Variants in CLDN10 observed in about 807,000 individuals in gnomAD.
CLDN10 encodes claudin-10.
CLDN10 carries 15 observed loss-of-function variants against 22.9 expected under a neutral mutation model. The observed-to-expected ratio is 0.65, with a 90% CI of 0.44 to 1.01. CLDN10 has a LOEUF of 1.01. CLDN10 is among the 50% of genes least tolerant of loss of function. The probability of loss-of-function intolerance (pLI) is 0.00; values close to 1 mark genes in which losing one functional copy is unlikely to be tolerated. For missense variants in CLDN10, 247 were observed against 287.8 expected (o/e 0.86, Z 1.03); for synonymous variants, 114 against 111.4 (o/e 1.02, Z -0.15).
chr13:95,551,008 G>A (rs552355533), upstream of CLDN10, among the ~76,000 whole-genome samples: 1 of 151,964 alleles, frequency 6.6e-6, no homozygotes, highest in Non-Finnish European at 1.5e-5. Context: ...TTTAAGTTTA[G>A]TTTACCAGTG....
intron 1 of CLDN10, among the ~76,000 whole-genome samples, chr13:95,448,813 C>T (rs992685155): frequency 6.6e-6 from 1 of 151,828 alleles, no homozygotes; most frequent in African/African-American, 2.4e-5. Context: ...GATCTCGGCT[C>T]ACTGCAGCCT....
intron 1 of CLDN10, among the ~76,000 whole-genome samples, chr13:95,447,439 G>T (rs889976965): frequency 2.0e-5 from 3 of 152,144 alleles, no homozygotes; most frequent in Non-Finnish European, 2.9e-5. Context: ...AACCTGGACC[G>T]CAGACCTCTC....
intron 1 of CLDN10, among the ~76,000 whole-genome samples, chr13:95,469,314 A>C (rs1263319562): frequency 6.6e-6 from 1 of 152,146 alleles, no homozygotes; most frequent in African/African-American, 2.4e-5. Flanking sequence ...TATTAACCTA[A>C]GTTTCTGCGA....
At chr13:95,435,962 TAA>T (rs55831992) in intron 1 of CLDN10, among the ~76,000 whole-genome samples, 28 of 141,626 alleles carry the variant, frequency 2.0e-4, no homozygotes, top group East Asian at 4.1e-4. Context: ...GGCCTCATCT[TAA>T]AAAAAAAAAA....
chr13:95,540,075 G>T (rs2138621881), intron 1 of CLDN10, among the ~76,000 whole-genome samples: 1 of 151,202 alleles, frequency 6.6e-6, no homozygotes, highest in Admixed American at 6.6e-5. Context: ...CGAGGTGGGT[G>T]GATCACCTGA....
chr13:95,574,279 GA>G, intron 3 of CLDN10, among the ~76,000 whole-genome samples: 1 of 151,964 alleles, frequency 6.6e-6, no homozygotes, highest in East Asian at 1.9e-4. Context: ...TAGAAAGAAG[GA>G]AAAGTCTCTG....
At chr13:95,510,510 G>T (rs979768535) in intron 1 of CLDN10, among the ~76,000 whole-genome samples, 3 of 152,082 alleles carry the variant, frequency 2.0e-5, no homozygotes, top group African/African-American at 7.2e-5. Flanking sequence ...AATGGTAAAT[G>T]TTTTAAGGGT....
intron 1 of CLDN10, among the ~76,000 whole-genome samples, chr13:95,533,028 G>C (rs2043362153): frequency 3.3e-5 from 5 of 151,864 alleles, no homozygotes. Context: ...GATAGTGTTT[G>C]TTTCATTTAC....
intron 1 of CLDN10, among the ~76,000 whole-genome samples, chr13:95,484,538 A>T (rs181988466): frequency 2.8e-4 from 43 of 152,246 alleles, no homozygotes; most frequent in African/African-American, 8.4e-4. Context: ...CAGGAAATGT[A>T]AGTGTGTAAA....
chr13:95,577,422 C>G (rs949038787), intron 4 of CLDN10, 84 bp downstream of exon 4: 1 of 899,044 alleles, frequency 1.1e-6, no homozygotes. Flanking sequence ...ACAGATAGTT[C>G]ATATGATTCT....
intron 1 of CLDN10, among the ~76,000 whole-genome samples, chr13:95,457,761 T>C (rs2042496704): frequency 6.6e-6 from 1 of 152,144 alleles, no homozygotes; most frequent in African/African-American, 2.4e-5. Context: ...CTGCCCTTTT[T>C]CTAGGGTGTA....
intron 1 of CLDN10, among the ~76,000 whole-genome samples, chr13:95,558,327 T>C (rs2043663463): frequency 1.3e-5 from 2 of 152,162 alleles, no homozygotes; most frequent in Admixed American, 1.3e-4. Flanking sequence ...AAAATACAGC[T>C]GGTTCAGCAT....
chr13:95,475,770 G>A (rs1464823940), intron 1 of CLDN10, among the ~76,000 whole-genome samples: 2 of 151,240 alleles, frequency 1.3e-5, no homozygotes, highest in East Asian at 1.9e-4. Flanking sequence ...CACCTGCATG[G>A]GTCGAGGGTC....
rs531425897 is a variant in CLDN10, at chr13:95,477,793, C to T, written c.214+43746C>T. Among the ~76,000 whole-genome samples the T allele has an allele frequency of 2.6e-5, 4 of 152,226 alleles. No homozygotes were observed. In the South Asian group the frequency reaches 8.3e-4, roughly 32 times the overall value. Reference sequence around the variant, plus strand: ...GAATCTGCAACACCCTCAGGTAACCCATATGTATCTTAAGCCATGATAAGT... The same window carrying T: ...GAATCTGCAACACCCTCAGGTAACCTATATGTATCTTAAGCCATGATAAGT... On this transcript the variant is annotated intron_variant, in intron 1 of 4. Coordinates refer to the CLDN10 transcript ENST00000376873.
At chr13:95,474,850 C>T (rs79574222) in intron 1 of CLDN10, among the ~76,000 whole-genome samples, 13,450 of 152,062 alleles carry the variant, frequency 0.088, 859 homozygotes, top group South Asian at 0.22. Context: ...GTGGGGCAGG[C>T]GTGGAGCCAG....
intron 1 of CLDN10, among the ~76,000 whole-genome samples, chr13:95,447,177 G>T (rs181121092): frequency 2.5e-3 from 381 of 152,288 alleles, no homozygotes; most frequent in Non-Finnish European, 4.2e-3. Context: ...GTGGGCAGGG[G>T]AAAATGGAAG....
At chr13:95,528,514 G>T (rs2043308722) in intron 1 of CLDN10, 1 of 152,174 alleles carries the variant, frequency 6.6e-6, no homozygotes, top group African/African-American at 2.4e-5. Context: ...AATATTTCTT[G>T]CTTTTCCCAT....
chr13:95,444,001 C>T (rs1489138679), intron 1 of CLDN10, among the ~76,000 whole-genome samples: 1 of 152,092 alleles, frequency 6.6e-6, no homozygotes, highest in East Asian at 1.9e-4. Context: ...TTTTGCTGTC[C>T]CCTACTCCTT....
intron 1 of CLDN10, among the ~76,000 whole-genome samples, chr13:95,540,874 G>C (rs1325024403): frequency 6.6e-6 from 1 of 152,238 alleles, no homozygotes; most frequent in Admixed American, 6.5e-5. Context: ...GAAGAGATAA[G>C]TAGTATTTTT....
Sources: gnomAD v4.1 joint callset for allele counts (sites outside exome capture counted in the v4.1 genomes callset) on GRCh38, gnomAD v4.1.1 for gene constraint, MANE v1.5 for transcripts, NCBI Gene and HGNC (gene_info 2026-07-23, HGNC 2026-07-21) for gene names.